AGBL4: variants seen among roughly 807,000 people sequenced by gnomAD.
AGBL4 encodes cytosolic carboxypeptidase 6.
Under a neutral mutation model 66.4 loss-of-function variants are expected in AGBL4, and 58 were observed. The observed-to-expected ratio is 0.87, with a 90% CI of 0.71 to 1.09. The LOEUF (loss-of-function observed/expected upper bound fraction) is 1.09. Among genes scored for constraint, AGBL4 ranks in the 50% least tolerant of loss-of-function variants. AGBL4 has a pLI of 0.00. For missense variants in AGBL4, 579 were observed against 631.0 expected (o/e 0.92, Z 0.88); for synonymous variants, 234 against 222.9 (o/e 1.05, Z -0.44).
intron 5 of AGBL4, among the ~76,000 whole-genome samples, chr1:48,916,265 CCCT>C (rs894255741): frequency 9.2e-5 from 14 of 152,088 alleles, no homozygotes; most frequent in African/African-American, 3.4e-4. Context: ...AAAATGGTTC[CCCT>C]GCAGTTAGAG....
chr1:49,668,803 A>T (rs970988328), intron 3 of AGBL4, among the ~76,000 whole-genome samples: 2 of 152,174 alleles, frequency 1.3e-5, no homozygotes, highest in African/African-American at 4.8e-5. Flanking sequence ...CAACTAAGAC[A>T]TACATTGTTT....
At chr1:49,754,382 G>C (rs1468095788) in intron 2 of AGBL4, among the ~76,000 whole-genome samples, 1 of 151,800 alleles carries the variant, frequency 6.6e-6, no homozygotes, top group African/African-American at 2.4e-5. Context: ...GTGCATGGGT[G>C]TTCTTTTTGT....
intron 6 of AGBL4, chr1:48,817,888 G>C: frequency 1.6e-6 from 1 of 613,636 alleles, no homozygotes; most frequent in East Asian, 2.7e-5. Context: ...GATGCACCTG[G>C]GAGATGCAGA....
chr1:49,295,978 C>T (rs1286040462), intron 3 of AGBL4, among the ~76,000 whole-genome samples: 1 of 152,124 alleles, frequency 6.6e-6, no homozygotes, highest in African/African-American at 2.4e-5. Flanking sequence ...TCTGTGACAA[C>T]GTATCTTTGT....
At chr1:48,858,380 A>G (rs1647233657) in intron 6 of AGBL4, among the ~76,000 whole-genome samples, 1 of 152,224 alleles carries the variant, frequency 6.6e-6, no homozygotes, top group Non-Finnish European at 1.5e-5. Context: ...CTTTTGTGCA[A>G]ATGTTCATAG....
chr1:49,889,126 G>A (rs1392998825), intron 1 of AGBL4, among the ~76,000 whole-genome samples: 3 of 152,130 alleles, frequency 2.0e-5, no homozygotes, highest in South Asian at 2.1e-4. Flanking sequence ...GAAAGACCTC[G>A]TGTAGTTGGT....
intron 2 of AGBL4, among the ~76,000 whole-genome samples, chr1:49,821,262 G>A (rs1423640732): frequency 6.6e-6 from 1 of 152,080 alleles, no homozygotes; most frequent in African/African-American, 2.4e-5. Context: ...TATTCAAAAT[G>A]TATCCTCATT....
In AGBL4 at chr1:49,347,453, G is replaced by A. The variant is rs1205635221; in HGVS notation, c.283-101589C>T. Among the ~76,000 whole-genome samples the A allele has an allele frequency of 4.0e-5, 6 of 151,592 alleles. No homozygotes were observed. In the South Asian group the frequency reaches 6.2e-4, roughly 16 times the overall value. Reference sequence around the variant, plus strand: ...TCTTTAGTAGAGACGGGGTTTCACCGTGTTGGCCAGGATGGTTTCGATCTC... The same window carrying A: ...TCTTTAGTAGAGACGGGGTTTCACCATGTTGGCCAGGATGGTTTCGATCTC... On this transcript the variant is annotated intron_variant, in intron 3 of 13. Coordinates refer to ENST00000371839, the MANE Select transcript of AGBL4 (RefSeq NM_032785.4).
intron 3 of AGBL4, among the ~76,000 whole-genome samples, chr1:49,306,197 C>T (rs924617147): frequency 1.3e-5 from 2 of 152,052 alleles, no homozygotes; most frequent in African/African-American, 4.8e-5. Context: ...TCCAAGAAAT[C>T]TAGGAAAACA....
chr1:49,769,872 C>G (rs566660561), intron 2 of AGBL4, among the ~76,000 whole-genome samples: 36 of 151,982 alleles, frequency 2.4e-4, no homozygotes, highest in Non-Finnish European at 4.4e-4. Context: ...AGAAGAAAAC[C>G]TAAGAAATAC....
chr1:48,558,037 G>A (rs967063874), intron 11 of AGBL4, among the ~76,000 whole-genome samples: 5 of 152,200 alleles, frequency 3.3e-5, no homozygotes, highest in African/African-American at 1.2e-4. Flanking sequence ...CCTTAGATAA[G>A]TGGGTCATCC....
At chr1:48,817,349 C>A (rs916418970) in intron 6 of AGBL4, among the ~76,000 whole-genome samples, 6 of 152,188 alleles carry the variant, frequency 3.9e-5, no homozygotes, top group African/African-American at 1.4e-4. Flanking sequence ...AATCCTGTCA[C>A]TCCATGGAGT....
intron 3 of AGBL4, among the ~76,000 whole-genome samples, chr1:49,661,491 G>A (rs970966276): frequency 1.6e-4 from 24 of 151,974 alleles, no homozygotes; most frequent in Non-Finnish European, 2.8e-4. Context: ...CCCTTCTCTC[G>A]CTCTTGCACC....
chr1:49,480,890 C>G (rs980608968), intron 3 of AGBL4, among the ~76,000 whole-genome samples: 1 of 151,972 alleles, frequency 6.6e-6, no homozygotes, highest in Non-Finnish European at 1.5e-5. Context: ...TATTGAATAG[C>G]GAGTCCTTTC....
At chr1:49,167,526 C>T (rs931095960) in intron 4 of AGBL4, among the ~76,000 whole-genome samples, 1 of 152,202 alleles carries the variant, frequency 6.6e-6, no homozygotes, top group Admixed American at 6.5e-5. Context: ...TCTTTGAGCT[C>T]TATAAAGGCT....
intron 6 of AGBL4, among the ~76,000 whole-genome samples, chr1:48,682,522 C>T (rs1475996413): frequency 1.3e-5 from 2 of 151,874 alleles, no homozygotes; most frequent in African/African-American, 4.8e-5. Context: ...AGTCCTCCTG[C>T]TTCAACCTCC....
At chr1:49,393,355 G>A (rs779798595) in intron 3 of AGBL4, among the ~76,000 whole-genome samples, 6 of 152,158 alleles carry the variant, frequency 3.9e-5, no homozygotes, top group African/African-American at 7.2e-5. Flanking sequence ...ATCAAGGTCT[G>A]GAGAGGCTGG....
chr1:49,923,537 T>C (rs1652475146), intron 1 of AGBL4, among the ~76,000 whole-genome samples: 1 of 151,970 alleles, frequency 6.6e-6, no homozygotes, highest in Non-Finnish European at 1.5e-5. Context: ...ACCTACAGAA[T>C]GGGAGAAAAA....
chr1:50,012,968 A>G (rs570075112), intron 1 of AGBL4, among the ~76,000 whole-genome samples: 2 of 152,338 alleles, frequency 1.3e-5, no homozygotes, highest in South Asian at 4.1e-4. Flanking sequence ...CCCTGGAATC[A>G]TAATTTGTTT....
Sources: gnomAD v4.1 joint callset for allele counts (sites outside exome capture counted in the v4.1 genomes callset) on GRCh38, gnomAD v4.1.1 for gene constraint, MANE v1.5 for transcripts, NCBI Gene and HGNC (gene_info 2026-07-23, HGNC 2026-07-21) for gene names.